Variants in MGRN1 observed in about 807,000 individuals in gnomAD.
MGRN1 encodes mahogunin ring finger 1.
MGRN1 carries 29 observed loss-of-function variants against 69.2 expected under a neutral mutation model. That is an observed-to-expected ratio of 0.42 (90% CI 0.31 to 0.57). The LOEUF (loss-of-function observed/expected upper bound fraction) is 0.57. MGRN1 is among the 20% of genes least tolerant of loss of function. The probability of loss-of-function intolerance (pLI) is 0.15; values close to 1 mark genes in which losing one functional copy is unlikely to be tolerated. For synonymous variants in MGRN1, 470 were observed against 344.2 expected (o/e 1.37, Z -4.04); for missense variants, 998 against 796.2 (o/e 1.25, Z -3.05).
intron 5 of MGRN1, among the ~76,000 whole-genome samples, chr16:4,659,325 G>T (rs2078623658): frequency 6.6e-6 from 1 of 152,092 alleles, no homozygotes; most frequent in African/African-American, 2.4e-5. Flanking sequence ...GCTGAGCTCT[G>T]GGGAGTGGGA....
Position 4,665,158 on chromosome 16 carries a change from GC to G in MGRN1, c.678+9del. On this transcript the variant is annotated splice_region_variant and intron_variant, in intron 7 of 16. Transcript: ENST00000262370. ...CTTGGCTGCCTTTGAAAAGGTAAGT[GC>G]CATCTGGCCATCACTTTCCCGGGGA... 6.2e-7 allele frequency: 1 copy of G among 1,614,126 alleles called. No individual in the cohort carries two copies. The highest frequency in any genetic ancestry group is 1.3e-5 in the African/African-American group (1 of 75,032).
intron 4 of MGRN1, among the ~76,000 whole-genome samples, chr16:4,654,012 A>C (rs1197843245): frequency 6.6e-6 from 1 of 152,170 alleles, no homozygotes; most frequent in African/African-American, 2.4e-5. Context: ...TCGGCCTCCC[A>C]AAGTGCTGAG....
In MGRN1 at chr16:4,681,961, G is replaced by A. The variant is rs903244604; in HGVS notation, c.1358+185G>A. Among the ~76,000 whole-genome samples, 3 of 152,386 alleles carry A rather than the reference G, an allele frequency of 2.0e-5. No homozygotes were observed. In the East Asian group the frequency reaches 5.8e-4, roughly 29 times the overall value. On this transcript the variant is annotated intron_variant, in intron 13 of 16. Coordinates refer to ENST00000262370, the MANE Select transcript of MGRN1 (RefSeq NM_015246.4). ...TATTACGGCAAAGAACGCAGCAGAC[G>A]AGGCAGGAAGAGCGTCCGGGCAGCT...
chr16:4,669,522 A>G (rs956329132), intron 8 of MGRN1, among the ~76,000 whole-genome samples: 1 of 151,330 alleles, frequency 6.6e-6, no homozygotes, highest in South Asian at 2.1e-4. Context: ...TTGGGTGAGC[A>G]TATATGTTTT....
intron 14 of MGRN1, 115 bp from the exon 15 acceptor site, chr16:4,683,109 A>C (rs1044383922): frequency 4.9e-5 from 74 of 1,518,808 alleles, no homozygotes; most frequent in Non-Finnish European, 6.2e-5. Flanking sequence ...TGGAGGCAGC[A>C]CCCCCTGGTG....
intron 1 of MGRN1, among the ~76,000 whole-genome samples, chr16:4,648,225 C>G (rs986861005): frequency 6.6e-6 from 1 of 152,190 alleles, no homozygotes; most frequent in African/African-American, 2.4e-5. Context: ...TACCCGGGTC[C>G]TCCCCTCGGA....
intron 1 of MGRN1, among the ~76,000 whole-genome samples, chr16:4,626,694 G>A (rs1897694878): frequency 6.6e-6 from 1 of 152,206 alleles, no homozygotes; most frequent in Non-Finnish European, 1.5e-5. Context: ...TCTTCACTTG[G>A]GCTGAACAGA....
chr16:4,672,266 C>G (rs965670955), intron 9 of MGRN1: 10 of 439,182 alleles, frequency 2.3e-5, no homozygotes, highest in Non-Finnish European at 4.6e-5. Context: ...AGGCTGGTCT[C>G]AAACTTCTGA....
chr16:4,636,400 G>T (rs1440870705), intron 1 of MGRN1, among the ~76,000 whole-genome samples: 2 of 152,136 alleles, frequency 1.3e-5, no homozygotes, highest in Non-Finnish European at 2.9e-5. Flanking sequence ...TGAGTGATCT[G>T]GCGTCTGCTG....
At chr16:4,647,515 T>C (rs558151247) in intron 1 of MGRN1, among the ~76,000 whole-genome samples, 1 of 152,266 alleles carries the variant, frequency 6.6e-6, no homozygotes, top group Non-Finnish European at 1.5e-5. Flanking sequence ...ACCCCTCGTC[T>C]GCTCTGCACC....
intron 16 of MGRN1, among the ~76,000 whole-genome samples, chr16:4,684,488 G>T (rs1302443300): frequency 6.6e-6 from 1 of 152,226 alleles, no homozygotes; most frequent in African/African-American, 2.4e-5. Flanking sequence ...ACCCTGCCCC[G>T]GGCCTGACAG....
intron 5 of MGRN1, among the ~76,000 whole-genome samples, chr16:4,663,391 T>TTTTTTTTTTA (rs150893432): frequency 4.9e-5 from 6 of 123,176 alleles, no homozygotes; most frequent in South Asian, 5.4e-4. Context: ...TTTTTTTTTT[T>TTTTTTTTTTA]ACACCTTTAT....
At position 4,690,933 on chromosome 16, in the gene MGRN1, G is replaced by GT. The variant is rs1454426630; in HGVS notation, c.*2030dup. On this transcript the variant is annotated 3_prime_UTR_variant, in exon 17 of 17. Coordinates refer to ENST00000262370, the MANE Select transcript of MGRN1 (RefSeq NM_015246.4). ...GCTCAGATGGGCTCATCGTTGGTTC[G>GT]TTTTTACTGTATATTTATAGTAATA... 2.0e-5 allele frequency: 3 copies of GT among 152,276 alleles called. No individual in the cohort carries two copies. The highest frequency in any genetic ancestry group is 7.2e-5 in the African/African-American group (3 of 41,406). 9.4% of individuals were successfully genotyped at this position (152,276 alleles called of 1,614,324 possible). A position where few individuals can be genotyped will look rare whatever the true frequency, so the allele number is the denominator to read the frequency against.
chr16:4,669,713 C>G (rs1469027846), intron 8 of MGRN1, among the ~76,000 whole-genome samples: 1 of 152,160 alleles, frequency 6.6e-6, no homozygotes, highest in African/African-American at 2.4e-5. Flanking sequence ...TCCAATATGT[C>G]AGTATTGGAC....
intron 5 of MGRN1, among the ~76,000 whole-genome samples, chr16:4,663,314 A>C (rs1230227930): frequency 6.9e-6 from 1 of 144,950 alleles, no homozygotes; most frequent in Non-Finnish European, 1.5e-5. Context: ...TCCGCCACCT[A>C]GGCCTCCCAA....
chr16:4,672,985 C>A (rs377352733), intron 9 of MGRN1, among the ~76,000 whole-genome samples: 2 of 152,144 alleles, frequency 1.3e-5, no homozygotes, highest in Non-Finnish European at 2.9e-5. Flanking sequence ...ACTACAAGCA[C>A]GTGCCACCAT....
chr16:4,681,415 G>A (rs1209456208), intron 12 of MGRN1, 135 bp from the exon 13 acceptor site: 3 of 779,030 alleles, frequency 3.9e-6, no homozygotes, highest in Non-Finnish European at 6.0e-6. Flanking sequence ...CTGCCAGGGA[G>A]CTCTTGGCCA....
At chr16:4,686,624 G>T in intron 16 of MGRN1, 1 of 1,174,828 alleles carries the variant, frequency 8.5e-7, no homozygotes, top group Non-Finnish European at 1.1e-6. Context: ...CACAGCCCAG[G>T]TGCGCCAGAG....
At chr16:4,685,209 G>A (rs187259952) in intron 16 of MGRN1, among the ~76,000 whole-genome samples, 1 of 152,232 alleles carries the variant, frequency 6.6e-6, no homozygotes, top group Admixed American at 6.5e-5. Context: ...AAAACTTGGG[G>A]GGTGATCGGG....
Sources: allele counts gnomAD v4.1 joint callset (sites outside exome capture counted in the v4.1 genomes callset), GRCh38; gene constraint gnomAD v4.1.1; transcripts MANE v1.5; gene names NCBI Gene and HGNC (gene_info 2026-07-23, HGNC 2026-07-21).